SPECC1: variants seen among roughly 807,000 people sequenced by gnomAD.
The protein encoded by SPECC1 is sperm antigen with calponin homology and coiled-coil domains 1, also known as cytospin-B.
Under a neutral mutation model 104.1 loss-of-function variants are expected in SPECC1, and 62 were observed. The ratio of observed to expected loss-of-function variants is 0.60; its 90% CI spans 0.49 to 0.74. The LOEUF (loss-of-function observed/expected upper bound fraction) is 0.74, where lower values mean the gene tolerates loss of function less well. Ranked by LOEUF, SPECC1 falls within the 30% of genes least tolerant of loss-of-function variation. The pLI is 0.00. For missense variants in SPECC1, 1,306 were observed against 1,310.5 expected, an observed-to-expected ratio of 1.00 and a Z score of 0.05; for synonymous variants, 513 against 501.6, an observed-to-expected ratio of 1.02 and a Z score of -0.30.
intron 3 of SPECC1, among the ~76,000 whole-genome samples, chr17:20,134,131 G>C (rs2049802698): frequency 1.3e-5 from 2 of 149,512 alleles, no homozygotes; most frequent in Non-Finnish European, 3.0e-5. Context: ...ACAAAATATA[G>C]TATAAAATAT....
intron 4 of SPECC1, among the ~76,000 whole-genome samples, chr17:20,218,552 T>C (rs1052397706): frequency 1.3e-5 from 2 of 152,168 alleles, no homozygotes; most frequent in African/African-American, 4.8e-5. Flanking sequence ...CAGGCAGGGC[T>C]CTCTGGCTGT....
chr17:20,118,811 ATAAAC>A (rs1225724922), intron 3 of SPECC1, among the ~76,000 whole-genome samples: 1 of 152,250 alleles, frequency 6.6e-6, no homozygotes, highest in Admixed American at 6.5e-5. Context: ...CAATATAAAT[ATAAAC>A]TAAACTTTTT....
At chr17:20,193,933 A>G (rs1416779310) in intron 3 of SPECC1, among the ~76,000 whole-genome samples, 3 of 152,226 alleles carry the variant, frequency 2.0e-5, no homozygotes, top group African/African-American at 7.2e-5. Context: ...AGGAATAAGC[A>G]GGTGTAGACT....
At chr17:20,216,924 T>A (rs1208361541) in intron 4 of SPECC1, among the ~76,000 whole-genome samples, 1 of 151,936 alleles carries the variant, frequency 6.6e-6, no homozygotes, top group Non-Finnish European at 1.5e-5. Context: ...TTCAGAGGGC[T>A]GAGGCAGGAG....
intron 1 of SPECC1, among the ~76,000 whole-genome samples, chr17:20,046,582 A>G (rs1168666228): frequency 6.6e-6 from 1 of 152,220 alleles, no homozygotes; most frequent in African/African-American, 2.4e-5. Flanking sequence ...TTAGAAGAGA[A>G]CAAGTGCTAA....
chr17:20,168,504 A>G (rs2033838729), intron 3 of SPECC1, among the ~76,000 whole-genome samples: 1 of 152,232 alleles, frequency 6.6e-6, no homozygotes, highest in African/African-American at 2.4e-5. Context: ...TTAACAGGAA[A>G]CTAAAAACAT....
intron 1 of SPECC1, among the ~76,000 whole-genome samples, chr17:20,038,403 C>CTTTTTTTTTTTTTTTTTTTT (rs10718870): frequency 1.0e-5 from 1 of 99,350 alleles, no homozygotes. Context: ...TTTTGATATT[C>CTTTTTTTTTTTTTTTTTTTT]TTTTTTTTTT....
chr17:20,305,375 T>A (rs2041729673), intron 13 of SPECC1, among the ~76,000 whole-genome samples: 1 of 152,094 alleles, frequency 6.6e-6, no homozygotes, highest in Non-Finnish European at 1.5e-5. Context: ...TCAAGGATAT[T>A]ATTTAAGGTC....
At chr17:20,284,026 C>T (rs2040862308) in intron 12 of SPECC1, among the ~76,000 whole-genome samples, 2 of 152,256 alleles carry the variant, frequency 1.3e-5, no homozygotes, top group South Asian at 4.1e-4. Context: ...GCATTTTGTG[C>T]CTTAGATGGC....
chr17:20,096,133 T>A (rs901097250), intron 1 of SPECC1: 1 of 152,376 alleles, frequency 6.6e-6, no homozygotes, highest in Admixed American at 6.5e-5. Context: ...CTTCATTAAT[T>A]TTTTATGATA....
chr17:20,240,976 T>G (rs533418309), intron 7 of SPECC1, among the ~76,000 whole-genome samples: 3 of 152,224 alleles, frequency 2.0e-5, no homozygotes, highest in African/African-American at 7.2e-5. Flanking sequence ...GCCTGTCACC[T>G]TCTCTTGCTG....
chr17:20,261,006 G>C (rs953046923), intron 12 of SPECC1, among the ~76,000 whole-genome samples: 1 of 152,060 alleles, frequency 6.6e-6, no homozygotes, highest in African/African-American at 2.4e-5. Flanking sequence ...GCCAGTTTCT[G>C]GAATTATTTA....
chr17:20,177,743 T>G (rs1295443449), intron 3 of SPECC1, among the ~76,000 whole-genome samples: 1 of 152,216 alleles, frequency 6.6e-6, no homozygotes. Flanking sequence ...AGAGTCTTTC[T>G]CTGTCGCCCA....
chr17:20,039,897 G>A (rs2045254411), intron 1 of SPECC1, among the ~76,000 whole-genome samples: 1 of 151,998 alleles, frequency 6.6e-6, no homozygotes, highest in South Asian at 2.1e-4. Flanking sequence ...AATTAACTCT[G>A]CTATCTCTGT....
intron 4 of SPECC1, among the ~76,000 whole-genome samples, chr17:20,218,837 A>G (rs1191124891): frequency 6.6e-6 from 1 of 151,432 alleles, no homozygotes; most frequent in Non-Finnish European, 1.5e-5. Flanking sequence ...TAATCATTCT[A>G]CTCTCTATCT....
intron 11 of SPECC1, among the ~76,000 whole-genome samples, chr17:20,258,425 CCT>C (rs1351590319): frequency 4.6e-5 from 7 of 152,176 alleles, no homozygotes; most frequent in Non-Finnish European, 1.0e-4. Flanking sequence ...CCACAGCAAA[CCT>C]CTTTCAGCTG....
chr17:20,140,116 C>T (rs1478117149), intron 3 of SPECC1, among the ~76,000 whole-genome samples: 2 of 152,106 alleles, frequency 1.3e-5, no homozygotes, highest in Non-Finnish European at 2.9e-5. Flanking sequence ...TCATTTTCGG[C>T]CCATCAATTG....
chr17:20,256,326 G>A (rs994090216), intron 10 of SPECC1, among the ~76,000 whole-genome samples: 2 of 152,114 alleles, frequency 1.3e-5, no homozygotes, highest in Admixed American at 1.3e-4. Flanking sequence ...TGTTATTACA[G>A]CAAAGGATTA....
chr17:20,153,446 A>C (rs531303188), intron 3 of SPECC1, among the ~76,000 whole-genome samples: 1 of 152,304 alleles, frequency 6.6e-6, no homozygotes, highest in Admixed American at 6.5e-5. Flanking sequence ...CATTTTTGAT[A>C]ATTCAGGTGG....
Sources: allele counts gnomAD v4.1 joint callset (sites outside exome capture counted in the v4.1 genomes callset), GRCh38; gene constraint gnomAD v4.1.1; transcripts MANE v1.5; gene names NCBI Gene and HGNC (gene_info 2026-07-23, HGNC 2026-07-21).